PHLPP1: variants seen among roughly 807,000 people sequenced by gnomAD.
The protein encoded by PHLPP1 is PH domain and leucine rich repeat protein phosphatase 1, also known as PH domain leucine-rich repeat-containing protein phosphatase 1.
PHLPP1 carries 42 observed loss-of-function variants against 117.2 expected under a neutral mutation model. The observed-to-expected ratio is 0.36, with a 90% confidence interval of 0.28 to 0.46. PHLPP1 has a LOEUF of 0.46. Ranked by LOEUF, PHLPP1 falls within the 20% of genes least tolerant of loss-of-function variation. PHLPP1 has a pLI of 1.00. For missense variants in PHLPP1, 2,084 were observed against 2,241.9 expected (o/e 0.93, Z 1.42); for synonymous variants, 1,042 against 970.7 (o/e 1.07, Z -1.37).
At position 62,920,067 on chromosome 18, in the gene PHLPP1, C is replaced by G; in HGVS notation, c.2913C>G (p.His971Gln). Reference sequence around the variant, plus strand: ...CGGTGGAGGTCTTGGATGTGCAACACAACCAGCTCCTTGAGCTCCCACCTA... The same window carrying G: ...CGGTGGAGGTCTTGGATGTGCAACAGAACCAGCTCCTTGAGCTCCCACCTA... The part of the protein sequence containing the change: ...RTSVEVLDVQ[H>Q]NQLLELPPNL... The change falls in exon 10 of 17, where the codon CAC (histidine) becomes CAG (glutamine). Residue 971 changes from histidine to glutamine, a missense_variant. By Grantham distance (24) the His-to-Gln change is conservative (BLOSUM62 0). This residue lies in a region of PHLPP1 where 1,365 missense variants were observed against 1,605.9 expected (regional missense o/e 0.85). Coordinates refer to ENST00000262719, the MANE Select transcript of PHLPP1 (RefSeq NM_194449.4). The G allele has an allele frequency of 6.2e-7, 1 of 1,613,706 alleles. No homozygotes were observed. Among genetic ancestry groups the G allele is most frequent in the Non-Finnish European group, 8.5e-7 (1 of 1,179,774 alleles).
chr18:62,903,197 C>G, intron 7 of PHLPP1, 31 bp downstream of exon 7: 2 of 1,459,458 alleles, frequency 1.4e-6, no homozygotes, highest in Non-Finnish European at 1.9e-6. Context: ...CAAAGTTGCT[C>G]TTTTGGTTCC....
chr18:62,827,551 C>T lies in PHLPP1; in HGVS notation c.1577-2484C>T, dbSNP rs191464478. On this transcript the variant is annotated intron_variant, in intron 1 of 16. Transcript: ENST00000262719. ...CCCCAGGGCCCACTTAGTACACAGC[C>T]ATGTCCTAAGGATGTGTCTGATCTG... Among the ~76,000 whole-genome samples, 45 of 152,294 alleles carry T rather than the reference C, an allele frequency of 3.0e-4. 1 individual carries two copies. The highest frequency in any genetic ancestry group is 1.3e-4 in the Non-Finnish European group (9 of 68,032).
chr18:62,874,440 CAG>C (rs1016425430), intron 4 of PHLPP1, among the ~76,000 whole-genome samples: 1 of 151,692 alleles, frequency 6.6e-6, no homozygotes, highest in Non-Finnish European at 1.5e-5. Flanking sequence ...CCCTGGGAGA[CAG>C]AGGTTGCAGT....
intron 1 of PHLPP1, among the ~76,000 whole-genome samples, chr18:62,723,018 G>A (rs560235880): frequency 5.3e-5 from 8 of 152,142 alleles, no homozygotes; most frequent in Non-Finnish European, 1.2e-4. Flanking sequence ...GTGAAACAAG[G>A]CATAACCATT....
chr18:62,733,767 C>T (rs1488617195), intron 1 of PHLPP1, among the ~76,000 whole-genome samples: 1 of 152,186 alleles, frequency 6.6e-6, no homozygotes, highest in Non-Finnish European at 1.5e-5. Context: ...CCTCCAAACT[C>T]CACTGTGTTG....
chr18:62,860,676 T>A, intron 4 of PHLPP1, 75 bp downstream of exon 4: 2 of 1,218,796 alleles, frequency 1.6e-6, no homozygotes, highest in Non-Finnish European at 1.2e-6. Context: ...ATCTCTTGAA[T>A]ATTCTCATGA....
chr18:62,842,003 C>T (rs1055086321), intron 3 of PHLPP1, among the ~76,000 whole-genome samples: 2 of 152,010 alleles, frequency 1.3e-5, no homozygotes, highest in Non-Finnish European at 2.9e-5. Flanking sequence ...AAGTTTTAAA[C>T]TTTTTCATCT....
intron 6 of PHLPP1, among the ~76,000 whole-genome samples, chr18:62,901,100 T>A (rs1916713434): frequency 6.6e-6 from 1 of 152,216 alleles, no homozygotes; most frequent in Non-Finnish European, 1.5e-5. Flanking sequence ...TGTCTCCTTA[T>A]TAATTCAATG....
intron 1 of PHLPP1, among the ~76,000 whole-genome samples, chr18:62,777,078 A>G (rs1249705459): frequency 1.3e-5 from 2 of 152,232 alleles, no homozygotes; most frequent in Admixed American, 1.3e-4. Flanking sequence ...GTAAATATTT[A>G]GCAACCCAAT....
intron 10 of PHLPP1, among the ~76,000 whole-genome samples, chr18:62,936,298 A>G (rs1909964963): frequency 6.6e-6 from 1 of 152,232 alleles, no homozygotes; most frequent in Non-Finnish European, 1.5e-5. Context: ...ACCATACTGA[A>G]ATAAAGCAAG....
At chr18:62,844,693 A>G (rs1599078742) in intron 3 of PHLPP1, among the ~76,000 whole-genome samples, 4 of 152,180 alleles carry the variant, frequency 2.6e-5, no homozygotes, top group Non-Finnish European at 5.9e-5. Flanking sequence ...ACCATTATCT[A>G]TATGTGTGTG....
intron 1 of PHLPP1, among the ~76,000 whole-genome samples, chr18:62,799,084 G>A (rs1913705649): frequency 6.6e-6 from 1 of 152,088 alleles, no homozygotes; most frequent in Non-Finnish European, 1.5e-5. Context: ...TCTACTGAAT[G>A]GAGTTCACAG....
At chr18:62,923,917 T>C (rs1347219268) in intron 10 of PHLPP1, among the ~76,000 whole-genome samples, 1 of 152,212 alleles carries the variant, frequency 6.6e-6, no homozygotes, top group African/African-American at 2.4e-5. Context: ...TTGTTTTTGT[T>C]CACATGGTTC....
rs1446475927 is a variant in PHLPP1, at chr18:62,979,758, TTTG to T, written c.*333_*335del. 2.2e-5 allele frequency: 5 copies of T among 231,438 alleles called. No individual in the cohort carries two copies. The highest frequency in any genetic ancestry group is 4.2e-5 in the Non-Finnish European group (5 of 120,048). 14.3% of individuals were successfully genotyped at this position (231,438 alleles called of 1,614,324 possible). ...AATGTAATATTTTTTAAAATGGCTT[TTTG>T]TTGTTTGTTTGGAAGGCAGGGCAGG... On this transcript the variant is annotated 3_prime_UTR_variant, in exon 17 of 17. Coordinates refer to ENST00000262719, the MANE Select transcript of PHLPP1 (RefSeq NM_194449.4).
chr18:62,902,552 G>A (rs1433038081), intron 6 of PHLPP1, among the ~76,000 whole-genome samples: 2 of 152,168 alleles, frequency 1.3e-5, no homozygotes, highest in Admixed American at 6.5e-5. Flanking sequence ...TAGTTGTGAT[G>A]TGCCTAACAG....
In PHLPP1 at chr18:62,967,718, TTTC is replaced by T. The variant is rs376175188; in HGVS notation, c.3560+4253_3560+4255del. On this transcript the variant is annotated intron_variant, in intron 14 of 16. Transcript: ENST00000262719. ...CAATTGAGATGACTGTATGGTTTTT[TTTC>T]TTCTTCAGGCTGTTGATGTGTTTAA... Among the ~76,000 whole-genome samples the T allele has an allele frequency of 2.1e-3, 317 of 152,316 alleles. 1 individual carries two copies. The highest frequency in any genetic ancestry group is 6.6e-3 in the African/African-American group (274 of 41,576).
chr18:62,948,912 G>A (rs1489797929), intron 12 of PHLPP1, among the ~76,000 whole-genome samples: 3 of 152,130 alleles, frequency 2.0e-5, no homozygotes, highest in South Asian at 2.1e-4. Context: ...AAAATTGTGC[G>A]TATCTTAAAT....
intron 12 of PHLPP1, among the ~76,000 whole-genome samples, chr18:62,946,639 T>TTG (rs147900391): frequency 0.011 from 1,682 of 151,830 alleles, 21 homozygotes; most frequent in African/African-American, 0.031. Context: ...GCCATTTTGT[T>TTG]TGTGTGTGTG....
chr18:62,783,594 ATGAAATGAGTATCTTT>A (rs1913192613), intron 1 of PHLPP1, among the ~76,000 whole-genome samples: 1 of 152,218 alleles, frequency 6.6e-6, no homozygotes, highest in Non-Finnish European at 1.5e-5. Context: ...TGCAGCACTC[ATGAAATGAGTATCTTT>A]TCTGATCCAT....
Sources: allele counts gnomAD v4.1 joint callset (sites outside exome capture counted in the v4.1 genomes callset), GRCh38; gene constraint gnomAD v4.1.1; regional missense constraint gnomAD v4.1.1; transcripts MANE v1.5; gene names NCBI Gene and HGNC (gene_info 2026-07-23, HGNC 2026-07-21).